WNT16: variants seen among roughly 807,000 people sequenced by gnomAD.
The protein encoded by WNT16 is Wnt family member 16, also known as protein Wnt-16.
A neutral mutation model predicts 35.4 loss-of-function variants in WNT16; 20 were observed. That is an observed-to-expected ratio of 0.56 (90% CI 0.40 to 0.82). The LOEUF (loss-of-function observed/expected upper bound fraction) is 0.82, where lower values mean the gene tolerates loss of function less well. Ranked by LOEUF, WNT16 falls within the 40% of genes least tolerant of loss-of-function variation. The pLI, the probability that WNT16 is intolerant of heterozygous loss-of-function variation, is 0.00. For missense variants in WNT16, 461 were observed against 466.0 expected (o/e 0.99, Z 0.10); for synonymous variants, 180 against 179.2 (o/e 1.00, Z -0.03).
In WNT16 at chr7:121,339,433, A is replaced by G; in HGVS notation, c.*88A>G. 1.8e-5 allele frequency: 22 copies of G among 1,243,946 alleles called. No individual in the cohort carries two copies. Among genetic ancestry groups the G allele is most frequent in the Non-Finnish European group, 2.3e-5 (21 of 900,836 alleles). The allele number at this position is 1,243,946 out of a possible 1,614,324, so 77.1% of individuals were successfully genotyped here. On this transcript the variant is annotated 3_prime_UTR_variant, in exon 4 of 4. Coordinates refer to ENST00000222462, the MANE Select transcript of WNT16 (RefSeq NM_057168.2). ...GTGCCCATCCCTGTGCAGCGCTAGT[A>G]AAGTTGACTCTTGCAGTGGAATCCC...
chr7:121,337,256 G>A (rs1334440069), intron 3 of WNT16, among the ~76,000 whole-genome samples: 1 of 152,138 alleles, frequency 6.6e-6, no homozygotes, highest in African/African-American at 2.4e-5. Context: ...GCACTACTAA[G>A]AAATATCAAG....
At chr7:121,338,747 T>C (rs62476345) in intron 3 of WNT16, 134 bp from the exon 4 acceptor site, 15,692 of 800,190 alleles carry the variant, frequency 0.02, 194 homozygotes, top group Non-Finnish European at 0.025. Context: ...TTAAAGATTA[T>C]TTACGTTCAA....
intron 1 of WNT16, 69 bp downstream of exon 1, chr7:121,329,456 C>T: frequency 6.3e-7 from 1 of 1,589,468 alleles, no homozygotes; most frequent in Non-Finnish European, 8.6e-7. Context: ...AGGGAACTTT[C>T]AACTGAGGCT....
In WNT16 at chr7:121,339,571, T is replaced by A. The variant is rs1793500748; in HGVS notation, c.*226T>A. The A allele has an allele frequency of 1.9e-6, 1 of 516,710 alleles. No individual in the cohort carries two copies. The highest frequency in any genetic ancestry group is 1.9e-5 in the African/African-American group (1 of 53,112). The allele number at this position is 516,710 out of a possible 1,614,324, so 32.0% of individuals were successfully genotyped here. ...ATTCTAATGTTGAAAAGGTTTATAT[T>A]CACCTTTTGATGATTTGGGGAATAT... On this transcript the variant is annotated 3_prime_UTR_variant, in exon 4 of 4. Transcript: ENST00000222462.
chr7:121,328,458 C>T (rs1793277460), upstream of WNT16, among the ~76,000 whole-genome samples: 1 of 152,172 alleles, frequency 6.6e-6, no homozygotes, highest in African/African-American at 2.4e-5. Flanking sequence ...AAAATAAATG[C>T]ATACATAAAT....
At chr7:121,328,422 C>T (rs114085615), upstream of WNT16, among the ~76,000 whole-genome samples, 441 of 152,288 alleles carry the variant, frequency 2.9e-3, 4 homozygotes, top group African/African-American at 9.6e-3. Context: ...AGATGAGATG[C>T]TAGACTGGAA....
rs1793521577 is a variant in WNT16, at chr7:121,340,891, AG to A, written c.*1547del. On this transcript the variant is annotated 3_prime_UTR_variant, in exon 4 of 4. Coordinates refer to ENST00000222462, the MANE Select transcript of WNT16 (RefSeq NM_057168.2). ...ATTGTTAAATATTTCAGTATTATAT[AG>A]AAAAAAATAGATTTTTAAAATTCAG... 1 of 152,128 alleles carries A rather than the reference AG, an allele frequency of 6.6e-6. No homozygotes were observed. Among genetic ancestry groups the A allele is most frequent in the South Asian group, 2.1e-4 (1 of 4,830 alleles). 9.4% of individuals were successfully genotyped at this position (152,128 alleles called of 1,614,324 possible). A position where few individuals can be genotyped will look rare whatever the true frequency, so the allele number is the denominator to read the frequency against.
chr7:121,325,665 A>G (rs189392009), upstream of WNT16, among the ~76,000 whole-genome samples: 2,193 of 130,962 alleles, frequency 0.017, 23 homozygotes, highest in Non-Finnish European at 0.026. Context: ...ATATATATAT[A>G]ACACCTAACA....
In WNT16 at chr7:121,329,118, A is replaced by G. The variant is rs1793291594; in HGVS notation, c.-175A>G. The G allele has an allele frequency of 3.6e-6, 5 of 1,375,690 alleles. No homozygotes were observed. The Admixed American group carries it at 1.2e-4, about 33-fold the overall frequency. The allele number at this position is 1,375,690 out of a possible 1,614,324, so 85.2% of individuals were successfully genotyped here. On this transcript the variant is annotated 5_prime_UTR_variant, in exon 1 of 4. Coordinates refer to ENST00000222462, the MANE Select transcript of WNT16 (RefSeq NM_057168.2). ...TCCATCTCTCCTACAGCTCCCTGCA[A>G]ACGAGGGGGAAGCTGCTGAGAGTCC...
chr7:121,329,654 G>C lies in WNT16; in HGVS notation c.183G>C (p.Lys61Asn), dbSNP rs752088689. 2 of 1,614,208 alleles carry C rather than the reference G, an allele frequency of 1.2e-6. No individual in the cohort carries two copies. The highest frequency in any genetic ancestry group is 1.7e-6 in the Non-Finnish European group (2 of 1,180,010). ...ACAGCCGCCAGAAGGAGCTGTGCAAGAGGAAACCGTACCTGCTGCCGAGCA... is the reference window on the plus strand; with the variant it reads ...ACAGCCGCCAGAAGGAGCTGTGCAACAGGAAACCGTACCTGCTGCCGAGCA... ...PLNSRQKELC[K>N]RKPYLLPSIR... The change falls in exon 2 of 4, where the codon AAG (lysine) becomes AAC (asparagine). Residue 61 changes from lysine to asparagine, a missense_variant. Lys to Asn is a moderately conservative substitution (Grantham distance 94, BLOSUM62 0). Coordinates refer to ENST00000222462, the MANE Select transcript of WNT16 (RefSeq NM_057168.2).
Position 121,331,667 on chromosome 7 carries a change from A to AT in WNT16, c.347-5dup. 5 of 1,597,150 alleles carry AT rather than the reference A, an allele frequency of 3.1e-6. No individual in the cohort carries two copies. Among genetic ancestry groups the AT allele is most frequent in the Non-Finnish European group, 4.3e-6 (5 of 1,166,178 alleles). On this transcript the variant is annotated splice_polypyrimidine_tract_variant and intron_variant, in intron 2 of 3. Coordinates refer to ENST00000222462, the MANE Select transcript of WNT16 (RefSeq NM_057168.2). ...CTGGTTCTCTAATTTAGCAATTTAT[A>AT]TTTTTTCTAGGCACCAAAGAGACAG...
At chr7:121,334,629 G>A (rs992467797) in intron 3 of WNT16, among the ~76,000 whole-genome samples, 3 of 152,014 alleles carry the variant, frequency 2.0e-5, no homozygotes, top group East Asian at 1.9e-4. Context: ...GGGTACTGGC[G>A]CTTAGTAGTA....
chr7:121,325,669 C>T (rs2116826965), upstream of WNT16, among the ~76,000 whole-genome samples: 1 of 151,896 alleles, frequency 6.6e-6, no homozygotes, highest in Middle Eastern at 3.4e-3. Context: ...ATATATAACA[C>T]CTAACATATC....
Position 121,339,144 on chromosome 7 carries a change from A to G in WNT16, c.897A>G (p.Lys299=). 6.2e-7 allele frequency: 1 copy of G among 1,614,196 alleles called. No individual in the cohort carries two copies. The highest frequency in any genetic ancestry group is 8.5e-7 in the Non-Finnish European group (1 of 1,180,032). The part of the protein sequence containing the change: ...KSPNYCVEDK[K]LGIPGTQGRE... ...CCAACTACTGTGTAGAAGATAAGAA[A>G]CTGGGAATCCCAGGGACACAAGGCA... Residue 299 remains lysine (K), a synonymous_variant, in exon 4 of 4, where the codon AAA becomes AAG. Transcript: ENST00000222462.
At chr7:121,328,408 T>C (rs138205214), upstream of WNT16, among the ~76,000 whole-genome samples, 2 of 152,184 alleles carry the variant, frequency 1.3e-5, no homozygotes, top group Non-Finnish European at 2.9e-5. Context: ...GATTGAAATA[T>C]GGCAGATGAG....
rs113001389 is a variant in WNT16 at position 121,329,991 on chromosome 7, C to A, written c.346+174C>A. On this transcript the variant is annotated intron_variant, in intron 2 of 3. Transcript: ENST00000222462. ...AAAGGCCAGACCTGGGGAGCAGGTGCGAGCCTGGAGGGAGGTGACTCCCCA... is the reference window on the plus strand; with the variant it reads ...AAAGGCCAGACCTGGGGAGCAGGTGAGAGCCTGGAGGGAGGTGACTCCCCA... Among the ~76,000 whole-genome samples the A allele has an allele frequency of 2.9e-3, 441 of 152,330 alleles. 4 individuals carry two copies. Among genetic ancestry groups the A allele is most frequent in the African/African-American group, 9.6e-3 (398 of 41,574 alleles).
chr7:121,332,080 A>G, intron 3 of WNT16, 116 bp downstream of exon 3: 1 of 1,214,752 alleles, frequency 8.2e-7, no homozygotes, highest in Non-Finnish European at 1.1e-6. Context: ...GCAGCCCTCA[A>G]GTGGGATCCT....
chr7:121,332,775 T>C (rs1051566135), intron 3 of WNT16, among the ~76,000 whole-genome samples: 3 of 152,136 alleles, frequency 2.0e-5, no homozygotes, highest in Non-Finnish European at 4.4e-5. Flanking sequence ...GCTATAGGTA[T>C]ATTAAATCTA....
At chr7:121,338,723 A>C (rs956309327) in intron 3 of WNT16, among the ~76,000 whole-genome samples, 158 bp from the exon 4 acceptor site, 2 of 152,256 alleles carry the variant, frequency 1.3e-5, no homozygotes, top group Non-Finnish European at 2.9e-5. Context: ...GAAACATTTG[A>C]AGCCTACGCA....
Sources: gnomAD v4.1 joint callset for allele counts (sites outside exome capture counted in the v4.1 genomes callset) on GRCh38, gnomAD v4.1.1 for gene constraint, MANE v1.5 for transcripts, NCBI Gene and HGNC (gene_info 2026-07-23, HGNC 2026-07-21) for gene names.